The following ZNF180 variants were observed in gnomAD, a reference collection of about 807,000 sequenced individuals.
ZNF180 encodes the protein zinc finger protein 180.
In ZNF180, 11 loss-of-function variants were observed where a neutral mutation model predicts 11.8. The observed-to-expected ratio is 0.93, with a 90% CI of 0.59 to 1.55. The LOEUF is 1.55. ZNF180 is among the 40% of genes most tolerant of loss of function. The pLI is 0.00. For missense variants in ZNF180, 773 were observed against 781.7 expected, an observed-to-expected ratio of 0.99 and a Z score of 0.13; for synonymous variants, 287 against 257.7, an observed-to-expected ratio of 1.11 and a Z score of -1.09.
At chr19:44,488,662 T>C (rs1039984855) in intron 2 of ZNF180, among the ~76,000 whole-genome samples, 1 of 151,998 alleles carries the variant, frequency 6.6e-6, no homozygotes, top group Non-Finnish European at 1.5e-5. Context: ...AGTGCCAAGA[T>C]TGCAGCCTCT....
In ZNF180 at chr19:44,478,153, G is replaced by C; in HGVS notation, c.254-7C>G. 1 of 1,551,558 alleles carries C rather than the reference G, an allele frequency of 6.4e-7. No individual in the cohort carries two copies. Among genetic ancestry groups the C allele is most frequent in the Non-Finnish European group, 8.7e-7 (1 of 1,150,884 alleles). On this transcript the variant is annotated splice_polypyrimidine_tract_variant and splice_region_variant and intron_variant, in intron 4 of 4. Transcript: ENST00000592529. The stretch of plus-strand genomic sequence containing the variant: ...CCAACTGCAGTTGCCAAGTCTGAAA[G>C]AAAGCAATATAAGACATCTTAGTCA...
intron 2 of ZNF180, chr19:44,484,688 A>C (rs1970177286): frequency 1.9e-6 from 1 of 531,254 alleles, no homozygotes; most frequent in African/African-American, 1.9e-5. Flanking sequence ...GGGCCAGCCC[A>C]TTGCAGCTAA....
At chr19:44,489,841 A>AGAGAT (rs1191597597) in intron 2 of ZNF180, among the ~76,000 whole-genome samples, 1,758 of 111,244 alleles carry the variant, frequency 0.016, 31 homozygotes, top group African/African-American at 0.047. Flanking sequence ...AAAGAAGAGA[A>AGAGAT]GAGATGAGAA....
intron 2 of ZNF180, chr19:44,484,678 G>A (rs567670213): frequency 8.8e-5 from 48 of 547,314 alleles, no homozygotes; most frequent in South Asian, 2.3e-4. Context: ...TGGGTCTTCT[G>A]GGCCAGCCCA....
intron 3 of ZNF180, among the ~76,000 whole-genome samples, chr19:44,482,990 C>T (rs1302405041): frequency 6.6e-6 from 1 of 152,236 alleles, no homozygotes; most frequent in Non-Finnish European, 1.5e-5. Flanking sequence ...TTCATCAGCT[C>T]ATTCTTCGGG....
chr19:44,487,537 G>A (rs981731517), intron 2 of ZNF180, among the ~76,000 whole-genome samples: 2 of 152,044 alleles, frequency 1.3e-5, no homozygotes, highest in Non-Finnish European at 2.9e-5. Flanking sequence ...TACCCTCTAT[G>A]GTCTAAAAAG....
In ZNF180 at chr19:44,500,354, T is replaced by G; in HGVS notation, c.-123A>C. ...AGCACGGCTCTGCGGCAGGACGAAC[T>G]CGGGTTAGGCAACCCCCTGCCCCGA... On this transcript the variant is annotated 5_prime_UTR_variant, in exon 1 of 5. Transcript: ENST00000592529. 7.2e-7 allele frequency: 1 copy of G among 1,388,144 alleles called. No homozygotes were observed. The highest frequency in any genetic ancestry group is 1.0e-6 in the Non-Finnish European group (1 of 988,186). The allele number at this position is 1,388,144 out of a possible 1,614,324, so 86.0% of individuals were successfully genotyped here. A position where few individuals can be genotyped will look rare whatever the true frequency, so the allele number is the denominator to read the frequency against.
chr19:44,491,313 C>G (rs1970444627), intron 2 of ZNF180, among the ~76,000 whole-genome samples: 1 of 152,246 alleles, frequency 6.6e-6, no homozygotes. Context: ...TCCCAACTTA[C>G]TCTTACAAAC....
intron 4 of ZNF180, 127 bp from the exon 5 acceptor site, chr19:44,478,273 T>A (rs1010742080): frequency 3.0e-6 from 3 of 990,364 alleles, no homozygotes; most frequent in Non-Finnish European, 4.2e-6. Flanking sequence ...ATAACCTAGG[T>A]TGAAAAAGCA....
intron 3 of ZNF180, among the ~76,000 whole-genome samples, chr19:44,482,723 A>G (rs569690806): frequency 1.3e-5 from 2 of 152,400 alleles, no homozygotes; most frequent in South Asian, 2.1e-4. Context: ...ATGAGTTTGC[A>G]TGAAGCACCA....
chr19:44,490,522 A>C (rs1403154932), intron 2 of ZNF180, among the ~76,000 whole-genome samples: 2 of 152,226 alleles, frequency 1.3e-5, no homozygotes, highest in Non-Finnish European at 2.9e-5. Context: ...ACCCGTGACA[A>C]ATACATCTTT....
chr19:44,476,950 GAGCAACA>G lies in ZNF180; in HGVS notation c.1443_1449del (p.Val482IlefsTer134), dbSNP rs749876767. 6 of 1,613,824 alleles carry G rather than the reference GAGCAACA, an allele frequency of 3.7e-6. No individual in the cohort carries two copies. The African/African-American group carries it at 8.0e-5, about 22-fold the overall frequency. On this transcript the variant is annotated frameshift_variant, in exon 5 of 5. Coordinates refer to ENST00000592529, the MANE Select transcript of ZNF180 (RefSeq NM_001278509.3). LOFTEE classifies it low-confidence loss of function (END_TRUNC). ...TTTTCTCCTGTGTGAGTTCTCTGAT[GAGCAACA>G]AGTTTATAACTTTGACTAAAGGATT...
At chr19:44,498,970 G>A (rs919571575) in intron 1 of ZNF180, among the ~76,000 whole-genome samples, 2 of 152,078 alleles carry the variant, frequency 1.3e-5, no homozygotes, top group South Asian at 2.1e-4. Context: ...TCCTCTGCCC[G>A]TCTGGGGGCA....
At chr19:44,483,929 A>C (rs928912291) in intron 3 of ZNF180, among the ~76,000 whole-genome samples, 10 of 151,892 alleles carry the variant, frequency 6.6e-5, no homozygotes, top group Non-Finnish European at 1.0e-4. Flanking sequence ...TCTACCTTCC[A>C]CACAATAACC....
chr19:44,477,378 A>C lies in ZNF180; in HGVS notation c.1022T>G (p.Leu341Arg). The change falls in exon 5 of 5, where the codon CTT becomes CGT. Residue 341 changes from leucine to arginine, a missense_variant. Coordinates refer to ENST00000592529, the MANE Select transcript of ZNF180 (RefSeq NM_001278509.3). Reference protein sequence around the residue: ...CGKSFSWSSHLVAHQRTHTGE... With the variant: ...CGKSFSWSSHRVAHQRTHTGE... ...TGTGTGAGTTCTCTGATGTGCAACAAGATGCGAGCTCCAGCTGAAGGATTT... is the reference window on the plus strand; with the variant it reads ...TGTGTGAGTTCTCTGATGTGCAACACGATGCGAGCTCCAGCTGAAGGATTT... 1 of 1,614,152 alleles carries C rather than the reference A, an allele frequency of 6.2e-7. No homozygotes were observed. The highest frequency in any genetic ancestry group is 8.5e-7 in the Non-Finnish European group (1 of 1,180,024).
chr19:44,477,729 C>T lies in ZNF180; in HGVS notation c.671G>A (p.Cys224Tyr). Residue 224 changes from cysteine to tyrosine, a missense_variant, in exon 5 of 5, where the codon TGT (cysteine) becomes TAT (tyrosine). Cys to Tyr is a radical substitution (Grantham distance 194, BLOSUM62 -2). Coordinates refer to ENST00000592529, the MANE Select transcript of ZNF180 (RefSeq NM_001278509.3). ...ENETLYENNE[C>Y]GKPPQSIHLI... ...GTGAATGCTCTGAGGGGGTTTTCCA[C>T]ATTCATTATTTTCATATAGTGTCTC... 2 of 1,614,038 alleles carry T rather than the reference C, an allele frequency of 1.2e-6. No individual in the cohort carries two copies. The highest frequency in any genetic ancestry group is 1.7e-6 in the Non-Finnish European group (2 of 1,179,972).
Position 44,495,155 on chromosome 19 carries a change from C to T in ZNF180, c.51+2129G>A, listed in dbSNP as rs1291163209. 6.6e-6 allele frequency among the ~76,000 whole-genome samples: 1 copy of T among 152,130 alleles called. No homozygotes were observed. Among genetic ancestry groups the T allele is most frequent in the African/African-American group, 2.4e-5 (1 of 41,410 alleles). ...GATTTGATGGCAAGGCGCCTGGCTC[C>T]AGTCCCTTATATATACACTTACTTA... On this transcript the variant is annotated intron_variant, in intron 2 of 4. Coordinates refer to ENST00000592529, the MANE Select transcript of ZNF180 (RefSeq NM_001278509.3). The surrounding 1 kb of genome is among the most constrained non-coding windows in gnomAD (Gnocchi z 4.5).
At chr19:44,489,965 A>G (rs1970390795) in intron 2 of ZNF180, among the ~76,000 whole-genome samples, 1 of 143,184 alleles carries the variant, frequency 7.0e-6, no homozygotes, top group Non-Finnish European at 1.5e-5. Flanking sequence ...AAAGAAAGAA[A>G]GAAAAGAAAG....
chr19:44,487,240 C>T (rs904907354), intron 2 of ZNF180, among the ~76,000 whole-genome samples: 1 of 152,022 alleles, frequency 6.6e-6, no homozygotes, highest in Non-Finnish European at 1.5e-5. Flanking sequence ...AAATGGCTAG[C>T]ATTAATGTAT....
Sources: gnomAD v4.1 joint callset for allele counts (sites outside exome capture counted in the v4.1 genomes callset) on GRCh38, gnomAD v4.1.1 for gene constraint, Gnocchi (gnomAD v3.1) non-coding constraint, MANE v1.5 for transcripts, NCBI Gene and HGNC (gene_info 2026-07-23, HGNC 2026-07-21) for gene names.